The following TAFA1 variants were observed in gnomAD, a reference collection of about 807,000 sequenced individuals.
TAFA1 encodes the protein chemokine-like protein TAFA-1.
Under a neutral mutation model 18.5 loss-of-function variants are expected in TAFA1, and 4 were observed. The observed-to-expected ratio is 0.22, with a 90% CI of 0.11 to 0.49. The LOEUF (loss-of-function observed/expected upper bound fraction) is 0.49, where lower values mean the gene tolerates loss of function less well. Ranked by LOEUF, TAFA1 falls within the 20% of genes least tolerant of loss-of-function variation. The probability of loss-of-function intolerance (pLI) is 0.98; values close to 1 mark genes in which losing one functional copy is unlikely to be tolerated. For synonymous variants in TAFA1, 56 were observed against 55.2 expected, an observed-to-expected ratio of 1.01 and a Z score of -0.06; for missense variants, 147 against 169.0, an observed-to-expected ratio of 0.87 and a Z score of 0.72.
At chr3:68,417,567 G>A in intron 3 of TAFA1, 147 bp downstream of exon 3, 1 of 742,302 alleles carries the variant, frequency 1.3e-6, no homozygotes, top group Admixed American at 2.7e-5. Flanking sequence ...CCTCAGCAGA[G>A]TTTGAATTCT....
At chr3:68,324,374 T>C (rs1001127640) in intron 2 of TAFA1, among the ~76,000 whole-genome samples, 4 of 152,158 alleles carry the variant, frequency 2.6e-5, no homozygotes, top group East Asian at 3.9e-4. Flanking sequence ...ATACAAAATA[T>C]GTTTGAAAAT....
chr3:68,303,815 T>C (rs2068356496), intron 2 of TAFA1, among the ~76,000 whole-genome samples: 1 of 152,138 alleles, frequency 6.6e-6, no homozygotes, highest in Non-Finnish European at 1.5e-5. Context: ...AAGCCACTGA[T>C]TTGCTGACAT....
intron 2 of TAFA1, among the ~76,000 whole-genome samples, chr3:68,364,938 A>G (rs578187340): frequency 1.3e-5 from 2 of 152,254 alleles, no homozygotes; most frequent in Admixed American, 1.3e-4. Context: ...AGGGATTTGA[A>G]CCTAAACATG....
At chr3:68,404,345 A>G (rs1252735534) in intron 2 of TAFA1, among the ~76,000 whole-genome samples, 1 of 152,236 alleles carries the variant, frequency 6.6e-6, no homozygotes, top group African/African-American at 2.4e-5. Context: ...ATCCTCAATT[A>G]TGGAATATGC....
intron 2 of TAFA1, among the ~76,000 whole-genome samples, chr3:68,147,278 G>A (rs73834854): frequency 0.045 from 6,878 of 151,848 alleles, 183 homozygotes; most frequent in East Asian, 0.091. Flanking sequence ...CAGGTATCAG[G>A]CAACTAGGGA....
chr3:68,317,348 T>G (rs556337440), intron 2 of TAFA1, among the ~76,000 whole-genome samples: 2 of 152,294 alleles, frequency 1.3e-5, no homozygotes, highest in Non-Finnish European at 2.9e-5. Flanking sequence ...ACCATCTTAC[T>G]TAGGCCATAT....
chr3:68,340,643 G>A lies in TAFA1; in HGVS notation c.119-76637G>A, dbSNP rs550134977. ...TTTCTATGGATATTTCCTTGAACAG[G>A]AAAGCTCAATCATTTCTAGCCTAGG... is the stretch of plus-strand genomic sequence containing the variant. On this transcript the variant is annotated intron_variant, in intron 2 of 4. Transcript: ENST00000478136. Among the ~76,000 whole-genome samples, 5 of 152,142 alleles carry A rather than the reference G, an allele frequency of 3.3e-5. No individual in the cohort carries two copies. The South Asian group carries it at 8.3e-4, about 25-fold the overall frequency.
chr3:68,167,054 T>C (rs964800003), intron 2 of TAFA1, among the ~76,000 whole-genome samples: 2 of 152,216 alleles, frequency 1.3e-5, no homozygotes, highest in Non-Finnish European at 1.5e-5. Flanking sequence ...TCTTTAGCAC[T>C]ATTCAGCACA....
At chr3:68,388,272 G>A (rs1200217131) in intron 2 of TAFA1, among the ~76,000 whole-genome samples, 1 of 152,072 alleles carries the variant, frequency 6.6e-6, no homozygotes, top group Non-Finnish European at 1.5e-5. Context: ...TAAAAAGGTA[G>A]TATAGATCTA....
intron 2 of TAFA1, among the ~76,000 whole-genome samples, chr3:68,121,577 A>G (rs2065399322): frequency 6.6e-6 from 1 of 152,194 alleles, no homozygotes; most frequent in African/African-American, 2.4e-5. Flanking sequence ...CAAATGAACC[A>G]GCTGGGATAC....
chr3:68,064,852 T>C (rs1422586637), intron 2 of TAFA1, among the ~76,000 whole-genome samples: 1 of 152,058 alleles, frequency 6.6e-6, no homozygotes, highest in African/African-American at 2.4e-5. Flanking sequence ...GAATCTTTTA[T>C]CTTCATTTAA....
chr3:68,285,600 A>G (rs2067985008), intron 2 of TAFA1, among the ~76,000 whole-genome samples: 1 of 152,178 alleles, frequency 6.6e-6, no homozygotes, highest in Non-Finnish European at 1.5e-5. Context: ...AACCTTCTGA[A>G]TACCCAGTTT....
Position 68,007,751 on chromosome 3 carries a change from C to A in TAFA1, c.118+1007C>A, listed in dbSNP as rs146722926. On this transcript the variant is annotated intron_variant, in intron 2 of 4. Coordinates refer to ENST00000478136, the MANE Select transcript of TAFA1 (RefSeq NM_213609.4). ...CAAATCCCATCAATGGCCTCCTCCC[C>A]CCATCCGTCGAGCTTCCTCCTGCTG... 7.3e-3 allele frequency among the ~76,000 whole-genome samples: 1,110 copies of A among 152,264 alleles called. 16 individuals are homozygous for A. The highest frequency in any genetic ancestry group is 0.025 in the African/African-American group (1,024 of 41,548).
chr3:68,340,049 T>C (rs2069053575), intron 2 of TAFA1, among the ~76,000 whole-genome samples: 1 of 152,230 alleles, frequency 6.6e-6, no homozygotes. Context: ...TTTGTTCTCA[T>C]ACACCATCAA....
chr3:68,539,809 G>A (rs1483026843), intron 4 of TAFA1, among the ~76,000 whole-genome samples: 1 of 151,752 alleles, frequency 6.6e-6, no homozygotes, highest in Non-Finnish European at 1.5e-5. Context: ...GCCCAGGCTG[G>A]AGTGAAGTGG....
At chr3:68,169,060 T>C (rs908669239) in intron 2 of TAFA1, among the ~76,000 whole-genome samples, 2 of 152,224 alleles carry the variant, frequency 1.3e-5, no homozygotes, top group South Asian at 2.1e-4. Context: ...AAATAGATAC[T>C]GTAGTAGTTA....
At chr3:68,092,459 G>C (rs1473224408) in intron 2 of TAFA1, among the ~76,000 whole-genome samples, 1 of 152,148 alleles carries the variant, frequency 6.6e-6, no homozygotes, top group Non-Finnish European at 1.5e-5. Context: ...TTTGGGTGAA[G>C]GACGACTTCT....
chr3:68,486,773 T>G (rs2072349246), intron 3 of TAFA1, among the ~76,000 whole-genome samples: 1 of 152,190 alleles, frequency 6.6e-6, no homozygotes, highest in Non-Finnish European at 1.5e-5. Context: ...TACCTGGATG[T>G]CTTGATATCT....
chr3:68,213,982 A>C (rs2066625877), intron 2 of TAFA1, among the ~76,000 whole-genome samples: 1 of 152,090 alleles, frequency 6.6e-6, no homozygotes, highest in South Asian at 2.1e-4. Context: ...GTTAACTACA[A>C]AGTAGGCAAT....
Sources: gnomAD v4.1 joint callset for allele counts (sites outside exome capture counted in the v4.1 genomes callset) on GRCh38, gnomAD v4.1.1 for gene constraint, MANE v1.5 for transcripts, NCBI Gene and HGNC (gene_info 2026-07-23, HGNC 2026-07-21) for gene names.